JMJD1C: variants seen among roughly 807,000 people sequenced by gnomAD.
JMJD1C encodes jumonji domain containing 1C.
A neutral mutation model predicts 245.3 loss-of-function variants in JMJD1C; 31 were observed. The ratio of observed to expected loss-of-function variants is 0.13; its 90% CI spans 0.09 to 0.17. The LOEUF is 0.17. Ranked by LOEUF, JMJD1C falls within the 10% of genes least tolerant of loss-of-function variation. JMJD1C has a pLI of 1.00. For missense variants in JMJD1C, 2,691 were observed against 3,000.2 expected, an observed-to-expected ratio of 0.90 and a Z score of 2.41; for synonymous variants, 1,057 against 1,017.4, an observed-to-expected ratio of 1.04 and a Z score of -0.74.
rs531544593 is a variant in JMJD1C, at chr10:63,315,838, C to CAA, written c.334-51076_334-51075dup. ...CTGGGGACAGAGTGAGACACCGTCT[C>CAA]AAAAAAAAAAAAAAAACACCACGAA... is the stretch of plus-strand genomic sequence containing the variant. On this transcript the variant is annotated intron_variant, in intron 2 of 25. Transcript: ENST00000399262. Among the ~76,000 whole-genome samples, 297 of 55,214 alleles carry CAA rather than the reference C, an allele frequency of 5.4e-3. 3 individuals are homozygous for CAA. The highest frequency in any genetic ancestry group is 8.3e-3 in the African/African-American group (162 of 19,450). 36.2% of individuals were successfully genotyped at this position (55,214 alleles called of 152,430 possible). A position where few individuals can be genotyped will look rare whatever the true frequency, so the allele number is the denominator to read the frequency against.
At chr10:63,382,641 G>A (rs925725560) in intron 1 of JMJD1C, among the ~76,000 whole-genome samples, 1 of 152,280 alleles carries the variant, frequency 6.6e-6, no homozygotes, top group Admixed American at 6.5e-5. Flanking sequence ...AACAAGACAA[G>A]GATGTTATAA....
At chr10:63,331,473 G>C (rs1361812815) in intron 2 of JMJD1C, among the ~76,000 whole-genome samples, 3 of 152,070 alleles carry the variant, frequency 2.0e-5, no homozygotes, top group East Asian at 3.8e-4. Flanking sequence ...TTTAGATTAT[G>C]AGGTTTTAAC....
At chr10:63,224,224 G>T (rs1359433453) in intron 3 of JMJD1C, among the ~76,000 whole-genome samples, 1 of 152,042 alleles carries the variant, frequency 6.6e-6, no homozygotes, top group Admixed American at 6.6e-5. Flanking sequence ...TCAAACTCTG[G>T]TCTCTCAATC....
At chr10:63,374,287 G>A (rs1351580104) in intron 2 of JMJD1C, among the ~76,000 whole-genome samples, 1 of 152,134 alleles carries the variant, frequency 6.6e-6, no homozygotes, top group Non-Finnish European at 1.5e-5. Flanking sequence ...TTAAAGGAAT[G>A]CAAATTGAAA....
intron 1 of JMJD1C, among the ~76,000 whole-genome samples, chr10:63,461,308 C>T (rs1376379873): frequency 1.3e-5 from 2 of 152,120 alleles, no homozygotes; most frequent in Admixed American, 6.5e-5. Flanking sequence ...AAGTAAAAAT[C>T]ATTCATTCAT....
intron 2 of JMJD1C, among the ~76,000 whole-genome samples, chr10:63,312,476 C>A (rs1939357381): frequency 6.6e-6 from 1 of 152,042 alleles, no homozygotes; most frequent in African/African-American, 2.4e-5. Context: ...GCATCAAAAT[C>A]CAAGAAATAT....
At chr10:63,182,767 G>A (rs1233247138) in intron 22 of JMJD1C, among the ~76,000 whole-genome samples, 1 of 152,082 alleles carries the variant, frequency 6.6e-6, no homozygotes, top group Admixed American at 6.5e-5. Flanking sequence ...TACTGGAGGG[G>A]AAAAAAGAAT....
intron 2 of JMJD1C, among the ~76,000 whole-genome samples, chr10:63,295,120 C>T (rs1859212164): frequency 6.6e-6 from 1 of 152,032 alleles, no homozygotes; most frequent in Non-Finnish European, 1.5e-5. Context: ...GAGGATCTCT[C>T]CGTGTCGTTG....
intron 2 of JMJD1C, among the ~76,000 whole-genome samples, chr10:63,327,205 A>G (rs1352601615): frequency 6.6e-6 from 1 of 152,100 alleles, no homozygotes; most frequent in African/African-American, 2.4e-5. Context: ...TAAAACAAAA[A>G]ACAGGACAGC....
intron 1 of JMJD1C, among the ~76,000 whole-genome samples, chr10:63,404,718 C>T (rs1163955613): frequency 6.6e-6 from 1 of 152,114 alleles, no homozygotes; most frequent in African/African-American, 2.4e-5. Flanking sequence ...AGATGTAAAA[C>T]ATCTAAAATC....
chr10:63,271,834 G>A (rs1379723331), intron 2 of JMJD1C, among the ~76,000 whole-genome samples: 4 of 152,072 alleles, frequency 2.6e-5, no homozygotes, highest in Non-Finnish European at 5.9e-5. Context: ...AAAAGAGGCC[G>A]GGATCAGTGG....
chr10:63,481,496 C>G (rs1422161921), intron 1 of JMJD1C, among the ~76,000 whole-genome samples: 1 of 151,760 alleles, frequency 6.6e-6, no homozygotes, highest in Admixed American at 6.6e-5. Context: ...AAACAAACAG[C>G]CTTTCTTAAT....
intron 1 of JMJD1C, among the ~76,000 whole-genome samples, chr10:63,521,132 A>G: frequency 6.6e-6 from 1 of 152,140 alleles, no homozygotes; most frequent in African/African-American, 2.4e-5. Flanking sequence ...TGGGCGTCCC[A>G]AAGAGCTAAG....
chr10:63,521,805 A>ACGGCGGCGG (rs960809548), exon 1 of JMJD1C: 1 of 288,898 alleles, frequency 3.5e-6, no homozygotes, highest in African/African-American at 2.3e-5. Flanking sequence ...TGCGGCTGCG[A>ACGGCGGCGG]CGGCGGCGGC....
At chr10:63,175,040 T>G (rs1159549591) in intron 24 of JMJD1C, among the ~76,000 whole-genome samples, 1 of 152,186 alleles carries the variant, frequency 6.6e-6, no homozygotes, top group African/African-American at 2.4e-5. Context: ...AGGTTAACTT[T>G]ATAAAAACTG....
intron 1 of JMJD1C, among the ~76,000 whole-genome samples, chr10:63,457,682 T>C (rs946291721): frequency 6.6e-6 from 1 of 152,174 alleles, no homozygotes; most frequent in African/African-American, 2.4e-5. Context: ...AGAAAGAATA[T>C]ATAACATTAC....
At chr10:63,200,961 CATGT>C (rs1222926313) in intron 10 of JMJD1C, among the ~76,000 whole-genome samples, 2 of 152,146 alleles carry the variant, frequency 1.3e-5, no homozygotes, top group African/African-American at 4.8e-5. Flanking sequence ...AAATATCATT[CATGT>C]ATGTATAATA....
chr10:63,186,677 T>C lies in JMJD1C; in HGVS notation c.6571-294A>G, dbSNP rs193052604. The stretch of plus-strand genomic sequence containing the variant: ...CTTTCTTACACTTGGTGGCGGAGGG[T>C]AGATGTCCTCTCCACCCAAATTCCC... On this transcript the variant is annotated intron_variant, in intron 18 of 25. Transcript: ENST00000399262. 1.8e-4 allele frequency among the ~76,000 whole-genome samples: 27 copies of C among 152,276 alleles called. No individual in the cohort carries two copies. The East Asian group carries it at 3.7e-3, about 21-fold the overall frequency.
intron 16 of JMJD1C, 88 bp from the exon 17 acceptor site, chr10:63,191,196 A>G: frequency 2.1e-6 from 2 of 944,604 alleles, no homozygotes; most frequent in South Asian, 1.4e-5. Context: ...CAGTGGCGTG[A>G]CCTCGGCTCA....
Sources: allele counts gnomAD v4.1 joint callset (sites outside exome capture counted in the v4.1 genomes callset), GRCh38; gene constraint gnomAD v4.1.1; transcripts MANE v1.5; gene names NCBI Gene and HGNC (gene_info 2026-07-23, HGNC 2026-07-21).